The following CASC3 variants were observed in gnomAD, a reference collection of about 807,000 sequenced individuals.
The protein encoded by CASC3 is CASC3 exon junction complex subunit, also known as protein CASC3.
CASC3 carries 30 observed loss-of-function variants against 80.5 expected under a neutral mutation model. The ratio of observed to expected loss-of-function variants is 0.37; its 90% CI spans 0.28 to 0.51. The LOEUF (loss-of-function observed/expected upper bound fraction) is 0.51, where lower values mean the gene tolerates loss of function less well. CASC3 is among the 20% of genes least tolerant of loss of function. The pLI is 0.94. For synonymous variants in CASC3, 312 were observed against 333.6 expected (o/e 0.94, Z 0.70); for missense variants, 824 against 922.2 (o/e 0.89, Z 1.38).
At chr17:40,144,552 C>T (rs1361582966) in intron 3 of CASC3, among the ~76,000 whole-genome samples, 4 of 151,272 alleles carry the variant, frequency 2.6e-5, no homozygotes, top group African/African-American at 7.3e-5. Flanking sequence ...ACCATGTTGG[C>T]CAGGCTGGTC....
Position 40,164,003 on chromosome 17 carries a change from A to C in CASC3, c.1308A>C (p.Pro436=). 2 of 1,614,086 alleles carry C rather than the reference A, an allele frequency of 1.2e-6. No individual in the cohort carries two copies. The highest frequency in any genetic ancestry group is 1.7e-6 in the Non-Finnish European group (2 of 1,180,016). The change falls in exon 7 of 14, where the codon CCA becomes CCC. Residue 436 remains proline, a synonymous_variant. Coordinates refer to ENST00000264645, the MANE Select transcript of CASC3 (RefSeq NM_007359.5). ...PPPEGLIPAP[P]VPETTPTPPT... ...CTGAAGGACTGATTCCAGCACCTCC[A>C]GTCCCAGAAACCACCCCAACTCCAC...
intron 7 of CASC3, 137 bp downstream of exon 7, chr17:40,164,303 G>C: frequency 2.4e-6 from 2 of 820,856 alleles, no homozygotes; most frequent in Non-Finnish European, 3.7e-6. Context: ...TCACTCTTTT[G>C]CCCAGGCTGG....
intron 8 of CASC3, 80 bp downstream of exon 8, chr17:40,166,941 CT>C (rs377329830): frequency 0.09 from 58,964 of 655,180 alleles, no homozygotes; most frequent in South Asian, 0.13. Context: ...AAGATAAGGT[CT>C]TTTTTTTTTT....
In CASC3 at chr17:40,161,806, A is replaced by G. The variant is rs766329710; in HGVS notation, c.351A>G (p.Ser117=). Residue 117 remains serine (S), a synonymous_variant, in exon 4 of 14, where the codon TCA becomes TCG. Coordinates refer to ENST00000264645, the MANE Select transcript of CASC3 (RefSeq NM_007359.5). The part of the protein sequence containing the change: ...EEENSKVELK[S]EANDAVNSST... Reference sequence around the variant, plus strand: ...AAAACTCCAAAGTGGAGCTGAAATCAGAAGCTAATGATGCTGTTAATTCTT... The same window carrying G: ...AAAACTCCAAAGTGGAGCTGAAATCGGAAGCTAATGATGCTGTTAATTCTT... The G allele has an allele frequency of 1.9e-6, 3 of 1,614,232 alleles. No individual in the cohort carries two copies. The highest frequency in any genetic ancestry group is 1.7e-6 in the Non-Finnish European group (2 of 1,180,028).
chr17:40,163,535 G>T lies in CASC3; in HGVS notation c.840G>T (p.Lys280Asn). Residue 280 changes from lysine (K) to asparagine (N), a missense_variant, in exon 7 of 14, where the codon AAG becomes AAT. By Grantham distance (94) the Lys-to-Asn change is moderately conservative. Transcript: ENST00000264645. ...ACTGGAACGGTGAGCGGCTAAACAA[G>T]TCTCATCGCCACCAGGGTCTTGGGG... is the stretch of plus-strand genomic sequence containing the variant. ...DPNWNGERLN[K>N]SHRHQGLGGT... 1 of 1,613,926 alleles carries T rather than the reference G, an allele frequency of 6.2e-7. No individual in the cohort carries two copies. Among genetic ancestry groups the T allele is most frequent in the South Asian group, 1.1e-5 (1 of 91,070 alleles).
At chr17:40,152,619 C>T (rs115994805) in intron 3 of CASC3, among the ~76,000 whole-genome samples, 2,622 of 152,092 alleles carry the variant, frequency 0.017, 56 homozygotes, top group African/African-American at 0.06. Flanking sequence ...CATGCCCAGC[C>T]GCCCAGCTAA....
intron 3 of CASC3, among the ~76,000 whole-genome samples, chr17:40,157,354 TA>T (rs1989174879): frequency 2.7e-5 from 4 of 148,450 alleles, no homozygotes; most frequent in African/African-American, 7.5e-5. Context: ...AATAAATAAA[TA>T]AATAAATAAA....
intron 3 of CASC3, among the ~76,000 whole-genome samples, chr17:40,145,235 A>G (rs1379794410): frequency 6.7e-6 from 1 of 149,378 alleles, no homozygotes; most frequent in Non-Finnish European, 1.5e-5. Flanking sequence ...GCGGTGGTGC[A>G]ATCTCGGCTC....
chr17:40,144,786 C>A (rs1333000652), intron 3 of CASC3, among the ~76,000 whole-genome samples: 4 of 148,698 alleles, frequency 2.7e-5, no homozygotes, highest in African/African-American at 9.9e-5. Context: ...AACCAGTCCT[C>A]CTGCCTTGAC....
intron 3 of CASC3, among the ~76,000 whole-genome samples, chr17:40,153,403 T>A (rs1480934110): frequency 6.6e-6 from 1 of 152,234 alleles, no homozygotes; most frequent in Non-Finnish European, 1.5e-5. Context: ...AGACACGAGT[T>A]ATTTCCATAG....
chr17:40,169,421 T>C lies in CASC3; in HGVS notation c.2063T>C (p.Val688Ala). Residue 688 changes from valine (V) to alanine (A), a missense_variant, in exon 12 of 14, where the codon GTC (valine) becomes GCC (alanine). Physicochemically the swap from Val to Ala is moderately conservative, Grantham distance 64. Coordinates refer to ENST00000264645, the MANE Select transcript of CASC3 (RefSeq NM_007359.5). ...PSPPRRTPQP[V>A]TIKPPPPEVV... is the part of the protein sequence containing the mutation. The stretch of plus-strand genomic sequence containing the variant: ...CCACCCCGGAGGACTCCCCAGCCAG[T>C]CACCATCAAGCCCCCTCCACCTGAG... 1 of 1,611,496 alleles carries C rather than the reference T, an allele frequency of 6.2e-7. No individual in the cohort carries two copies.
At position 40,163,677 on chromosome 17, in the gene CASC3, C is replaced by T. The variant is rs147487074; in HGVS notation, c.982C>T (p.Pro328Ser). The change falls in exon 7 of 14, where the codon CCT becomes TCT. Residue 328 changes from proline (P) to serine (S), a missense_variant. Pro to Ser is a moderately conservative substitution (Grantham distance 74). Transcript: ENST00000264645. ...GFKEGRAGFR[P>S]VEAGGQHGGR... The stretch of plus-strand genomic sequence containing the variant: ...CAAGGAAGGTCGTGCTGGTTTTAGG[C>T]CTGTGGAAGCTGGTGGGCAGCATGG... 6.2e-7 allele frequency: 1 copy of T among 1,614,116 alleles called. No individual in the cohort carries two copies.
chr17:40,166,714 C>A, intron 7 of CASC3, 83 bp from the exon 8 acceptor site: 1 of 895,024 alleles, frequency 1.1e-6, no homozygotes, highest in Non-Finnish European at 1.7e-6. Context: ...TATGTTGACA[C>A]TTAAACCTGT....
Position 40,162,807 on chromosome 17 carries a change from A to C in CASC3, c.691A>C (p.Lys231Gln). 1 of 1,614,148 alleles carries C rather than the reference A, an allele frequency of 6.2e-7. No individual in the cohort carries two copies. The highest frequency in any genetic ancestry group is 8.5e-7 in the Non-Finnish European group (1 of 1,180,022). ...GTTCCGGGAAGATGAGCAGGCCCCA[A>C]AGTCCCGACAGGAGCTCATTGCTCT... is the stretch of plus-strand genomic sequence containing the variant. The part of the protein sequence containing the change: ...DKFREDEQAP[K>Q]SRQELIALYG... Residue 231 changes from lysine (K) to glutamine (Q), a missense_variant, in exon 6 of 14, where the codon AAG becomes CAG. Around this residue, in one of 3 missense-constraint regions of CASC3, gnomAD observed 201 missense variants for 294.1 expected, o/e 0.68. Coordinates refer to ENST00000264645, the MANE Select transcript of CASC3 (RefSeq NM_007359.5).
chr17:40,170,596 G>A lies in CASC3; in HGVS notation c.*191G>A. ...TGAGGACAGGCTCTAGAGAGAGGGA[G>A]AAACAAGTGGACCTCGTCCCATCTT... On this transcript the variant is annotated 3_prime_UTR_variant, in exon 14 of 14. Coordinates refer to ENST00000264645, the MANE Select transcript of CASC3 (RefSeq NM_007359.5). The A allele has an allele frequency of 1.0e-6, 1 of 985,636 alleles. No homozygotes were observed. The highest frequency in any genetic ancestry group is 1.2e-6 in the Non-Finnish European group (1 of 829,984). The allele number at this position is 985,636 out of a possible 1,614,324, so 61.1% of individuals were successfully genotyped here. A position where few individuals can be genotyped will look rare whatever the true frequency, so the allele number is the denominator to read the frequency against.
rs916019956 is a variant in CASC3 at position 40,148,712 on chromosome 17, G to T, written c.297+7105G>T. Reference sequence around the variant, plus strand: ...AGTTTTGACTGTTGTGCTTTCCCTTGACTGCCTGTTGATTATTTCAGTGTT... The same window carrying T: ...AGTTTTGACTGTTGTGCTTTCCCTTTACTGCCTGTTGATTATTTCAGTGTT... On this transcript the variant is annotated intron_variant, in intron 3 of 13. Coordinates refer to ENST00000264645, the MANE Select transcript of CASC3 (RefSeq NM_007359.5). 4.6e-5 allele frequency among the ~76,000 whole-genome samples: 7 copies of T among 152,146 alleles called. No homozygotes were observed. In the East Asian group the frequency reaches 7.7e-4, roughly 17 times the overall value.
At position 40,171,260 on chromosome 17, in the gene CASC3, T is replaced by C. The variant is rs1989586584; in HGVS notation, c.*855T>C. 3 of 986,040 alleles carry C rather than the reference T, an allele frequency of 3.0e-6. No homozygotes were observed. The highest frequency in any genetic ancestry group is 3.6e-6 in the Non-Finnish European group (3 of 829,990). 61.1% of individuals were successfully genotyped at this position (986,040 alleles called of 1,614,324 possible). On this transcript the variant is annotated 3_prime_UTR_variant, in exon 14 of 14. Coordinates refer to ENST00000264645, the MANE Select transcript of CASC3 (RefSeq NM_007359.5). ...GGGAGAGATGGCACACCAGATGCTT[T>C]TGTGAGAAAGGGATGGTGGAGTGAG...
At chr17:40,167,788 C>A (rs1989489226) in intron 9 of CASC3, 62 bp from the exon 10 acceptor site, 2 of 1,464,902 alleles carry the variant, frequency 1.4e-6, no homozygotes, top group Non-Finnish European at 1.9e-6. Context: ...GCTTGGGGAA[C>A]AAGGAGACTT....
In CASC3 at chr17:40,161,828, T is replaced by G; in HGVS notation, c.373T>G (p.Ser125Ala). The G allele has an allele frequency of 6.2e-7, 1 of 1,614,122 alleles. No individual in the cohort carries two copies. Among genetic ancestry groups the G allele is most frequent in the South Asian group, 1.1e-5 (1 of 91,088 alleles). The change falls in exon 4 of 14, where the codon TCT (serine) becomes GCT (alanine). Residue 125 changes from serine (S) to alanine (A), a missense_variant. Around this residue, in one of 3 missense-constraint regions of CASC3, gnomAD observed 201 missense variants for 294.1 expected, o/e 0.68. Transcript: ENST00000264645. The part of the protein sequence containing the change: ...LKSEANDAVN[S>A]STKEEKGEEK... ...ATCAGAAGCTAATGATGCTGTTAATTCTTCAACAAAAGAAGAGAAGGGAGA... is the reference window on the plus strand; with the variant it reads ...ATCAGAAGCTAATGATGCTGTTAATGCTTCAACAAAAGAAGAGAAGGGAGA...
Sources: gnomAD v4.1 joint callset for allele counts (sites outside exome capture counted in the v4.1 genomes callset) on GRCh38, gnomAD v4.1.1 for gene constraint, gnomAD v4.1.1 regional missense constraint, MANE v1.5 for transcripts, NCBI Gene and HGNC (gene_info 2026-07-23, HGNC 2026-07-21) for gene names.